Variants in MAP7D3 observed in about 807,000 individuals in gnomAD.
The protein encoded by MAP7D3 is MAP7 domain containing 3.
A neutral mutation model predicts 62.2 loss-of-function variants in MAP7D3; 45 were observed. The observed-to-expected ratio is 0.72, with a 90% CI of 0.57 to 0.93. The LOEUF (loss-of-function observed/expected upper bound fraction) is 0.93, where lower values mean the gene tolerates loss of function less well. MAP7D3 is among the 40% of genes least tolerant of loss of function. The pLI is 0.00. For missense variants in MAP7D3, 711 were observed against 683.1 expected (o/e 1.04, Z -0.45); for synonymous variants, 288 against 248.8 (o/e 1.16, Z -1.48).
chrX:136,256,154 G>C, upstream of MAP7D3: 1 of 1,082,825 alleles, frequency 9.2e-7, no homozygotes, highest in Non-Finnish European at 1.2e-6. Context: ...TCCTCTCGTC[G>C]CTCACTCTTG....
intron 7 of MAP7D3, 142 bp from the exon 8 acceptor site, chrX:136,232,362 T>A (rs1398917352): frequency 2.2e-6 from 1 of 462,645 alleles, no homozygotes; most frequent in Non-Finnish European, 3.7e-6. Flanking sequence ...ACACAGGAAA[T>A]GCTTAGTGAA....
chrX:136,229,961 GTGTATATA>G lies in MAP7D3; in HGVS notation c.1750+416_1750+423del, dbSNP rs1297969650. Among the ~76,000 whole-genome samples, 92 of 65,372 alleles carry G rather than the reference GTGTATATA, an allele frequency of 1.4e-3. 2 individuals are homozygous for G. Among genetic ancestry groups the G allele is most frequent in the East Asian group, 2.2e-3 (5 of 2,223 alleles). The allele number at this position is 65,372 out of a possible 115,157, so 56.8% of individuals were successfully genotyped here. ...ATCGGGCTAATTTTTTTTTTTGTGT[GTGTATATA>G]TATATATATATATATATATATATAT... On this transcript the variant is annotated intron_variant, in intron 10 of 18. Coordinates refer to ENST00000316077, the MANE Select transcript of MAP7D3 (RefSeq NM_024597.4).
At chrX:136,233,277 ATT>A (rs5903913) in intron 7 of MAP7D3, among the ~76,000 whole-genome samples, 2 of 98,977 alleles carry the variant, frequency 2.0e-5, no homozygotes, top group Non-Finnish European at 2.0e-5. Context: ...TAAACGATTA[ATT>A]TTTTTTTTTT....
upstream of MAP7D3, among the ~76,000 whole-genome samples, chrX:136,252,949 T>C (rs1603285433): frequency 1.8e-5 from 2 of 108,909 alleles, no homozygotes; most frequent in Admixed American, 9.9e-5. Context: ...AATACAAAAA[T>C]TAGCTGGGCG....
At chrX:136,215,196 C>G (rs1372375618), downstream of MAP7D3, among the ~76,000 whole-genome samples, 1 of 112,165 alleles carries the variant, frequency 8.9e-6, no homozygotes, top group African/African-American at 3.2e-5. Flanking sequence ...AGGTCCCCAA[C>G]CCTTGGGCCA....
At chrX:136,230,718 G>T in intron 9 of MAP7D3, 121 bp downstream of exon 9, 1 of 926,287 alleles carries the variant, frequency 1.1e-6, no homozygotes, top group Non-Finnish European at 1.5e-6. Context: ...CCTTTTTACA[G>T]GCTTTTTTCC....
chrX:136,229,721 T>C (rs781330241), intron 10 of MAP7D3, among the ~76,000 whole-genome samples: 1 of 101,849 alleles, frequency 9.8e-6, no homozygotes, highest in South Asian at 4.6e-4. Context: ...TTTTTTTTGA[T>C]ATGGGGTCTC....
At chrX:136,236,870 T>C (rs1437104373) in intron 6 of MAP7D3, among the ~76,000 whole-genome samples, 1 of 111,944 alleles carries the variant, frequency 8.9e-6, no homozygotes, top group Admixed American at 9.5e-5. Flanking sequence ...AGACTGTCAG[T>C]GTTTTACCCT....
intron 18 of MAP7D3, among the ~76,000 whole-genome samples, 153 bp from the exon 19 acceptor site, chrX:136,218,646 C>T (rs1229870172): frequency 9.0e-6 from 1 of 111,558 alleles, no homozygotes; most frequent in Non-Finnish European, 1.9e-5. Flanking sequence ...TCCTTCACTT[C>T]CCCAGTCCCC....
At position 136,218,009 on chromosome X, in the gene MAP7D3, T is replaced by G. The variant is rs893617271; in HGVS notation, c.*517A>C. On this transcript the variant is annotated 3_prime_UTR_variant, in exon 19 of 19. Coordinates refer to ENST00000316077, the MANE Select transcript of MAP7D3 (RefSeq NM_024597.4). The stretch of plus-strand genomic sequence containing the variant: ...GGCGGAGGTTGCAGTGAGCCGAGAT[T>G]GTGCCACTGCACTGCAGCCTGGGCG... 9.3e-6 allele frequency: 1 copy of G among 107,519 alleles called. No homozygotes were observed. Among genetic ancestry groups the G allele is most frequent in the Non-Finnish European group, 1.9e-5 (1 of 51,962 alleles). The allele number at this position is 107,519 out of a possible 1,213,427, so 8.9% of individuals were successfully genotyped here. A position where few individuals can be genotyped will look rare whatever the true frequency, so the allele number is the denominator to read the frequency against.
At chrX:136,232,304 A>G (rs2074281637) in intron 7 of MAP7D3, 84 bp from the exon 8 acceptor site, 1 of 636,169 alleles carries the variant, frequency 1.6e-6, no homozygotes, top group Admixed American at 3.1e-5. Flanking sequence ...TAAGAACAGG[A>G]ACACAGAAAA....
At chrX:136,215,395 C>T (rs762797370), downstream of MAP7D3, among the ~76,000 whole-genome samples, 45 of 111,624 alleles carry the variant, frequency 4.0e-4, no homozygotes, top group African/African-American at 1.4e-3. Context: ...TTGTGAACCA[C>T]GCATGTGAGG....
chrX:136,219,488 G>A lies in MAP7D3; in HGVS notation c.2573C>T (p.Thr858Ile), dbSNP rs779609792. ...GATGTCATGGAATCCTTCAGATTTT[G>A]TTTGTGCCTGTCAGGAGAAAAATGT... is the stretch of plus-strand genomic sequence containing the variant. ...TNTTSRSSAQ[T>I]KSEGFHDILP... is the part of the protein sequence containing the mutation. Residue 858 changes from threonine to isoleucine, a missense_variant, in exon 18 of 19, where the codon ACA becomes ATA. Thr to Ile is a moderately conservative substitution (Grantham distance 89, BLOSUM62 -1). Transcript: ENST00000316077. 8.3e-7 allele frequency: 1 copy of A among 1,202,723 alleles called. No individual in the cohort carries two copies.
At chrX:136,256,057 G>A (rs2074549916), upstream of MAP7D3, 5 of 749,721 alleles carry the variant, frequency 6.7e-6, no homozygotes, top group African/African-American at 2.3e-5. Flanking sequence ...CCAGCCATGC[G>A]ATGGCTTTTT....
At chrX:136,248,806 G>GA (rs1194939785) in intron 1 of MAP7D3, among the ~76,000 whole-genome samples, 3 of 111,819 alleles carry the variant, frequency 2.7e-5, no homozygotes, top group East Asian at 2.8e-4. Flanking sequence ...TTTTATAGTT[G>GA]AAAAAACTGA....
Position 136,241,280 on chromosome X carries a change from A to G in MAP7D3, c.418-3T>C. The G allele has an allele frequency of 2.0e-6, 2 of 1,019,626 alleles. No homozygotes were observed. The highest frequency in any genetic ancestry group is 1.9e-5 in the African/African-American group (1 of 52,469). The allele number at this position is 1,019,626 out of a possible 1,213,427, so 84.0% of individuals were successfully genotyped here. ...TAAAGAATGGCTGTAAATTTTTCCTATTTAAAATAAAAGCCAACATATTTT... is the reference window on the plus strand; with the variant it reads ...TAAAGAATGGCTGTAAATTTTTCCTGTTTAAAATAAAAGCCAACATATTTT... On this transcript the variant is annotated splice_polypyrimidine_tract_variant and splice_region_variant and intron_variant, in intron 4 of 18. Transcript: ENST00000316077.
intron 10 of MAP7D3, 148 bp from the exon 11 acceptor site, chrX:136,228,906 C>G (rs2074230149): frequency 5.3e-6 from 2 of 380,913 alleles, no homozygotes; most frequent in Non-Finnish European, 8.1e-6. Flanking sequence ...AGGTGATTAT[C>G]TAACAGATTT....
At chrX:136,213,869 G>A (rs2074045608), downstream of MAP7D3, 1 of 112,554 alleles carries the variant, frequency 8.9e-6, no homozygotes, top group African/African-American at 3.2e-5. Flanking sequence ...TGGGCACGGT[G>A]GCTCATGCCT....
At chrX:136,214,888 C>T (rs1405675086), downstream of MAP7D3, 3 of 111,775 alleles carry the variant, frequency 2.7e-5, no homozygotes, top group Admixed American at 2.8e-4. Context: ...CAGTGTCCAT[C>T]ACCTTGGCCT....
Sources: gnomAD v4.1 joint callset for allele counts (sites outside exome capture counted in the v4.1 genomes callset) on GRCh38, gnomAD v4.1.1 for gene constraint, MANE v1.5 for transcripts, NCBI Gene and HGNC (gene_info 2026-07-23, HGNC 2026-07-21) for gene names.